FSTL5: variants seen among roughly 807,000 people sequenced by gnomAD.
FSTL5 encodes the protein follistatin-related protein 5.
In FSTL5, 62 loss-of-function variants were observed where a neutral mutation model predicts 89.1. The ratio of observed to expected loss-of-function variants is 0.70; its 90% CI spans 0.57 to 0.86. The LOEUF is 0.86. FSTL5 is among the 40% of genes least tolerant of loss of function. The probability of loss-of-function intolerance (pLI) is 0.00; values close to 1 mark genes in which losing one functional copy is unlikely to be tolerated. For synonymous variants in FSTL5, 383 were observed against 346.2 expected (o/e 1.11, Z -1.18); for missense variants, 1,057 against 1,001.6 (o/e 1.06, Z -0.75).
intron 6 of FSTL5, among the ~76,000 whole-genome samples, chr4:161,749,823 A>C (rs1048446874): frequency 6.6e-6 from 1 of 151,224 alleles, no homozygotes; most frequent in African/African-American, 2.4e-5. Flanking sequence ...AAATAAATAA[A>C]TAATAATAAA....
At chr4:161,903,017 G>GT (rs1733415553) in intron 4 of FSTL5, among the ~76,000 whole-genome samples, 1 of 152,158 alleles carries the variant, frequency 6.6e-6, no homozygotes, top group Admixed American at 6.5e-5. Context: ...AATCAGCACA[G>GT]TAAGGCTACT....
Position 161,519,254 on chromosome 4 carries a change from T to A in FSTL5, c.1313-8830A>T, listed in dbSNP as rs115264315. On this transcript the variant is annotated intron_variant, in intron 10 of 15. Transcript: ENST00000306100. ...TGGACACCACAGTCTTAGAGTGGCA[T>A]GGTGGCTCATGCTTGTAATCCCAGC... 4.2e-4 allele frequency among the ~76,000 whole-genome samples: 64 copies of A among 152,214 alleles called. No individual in the cohort carries two copies. The East Asian group carries it at 0.012, about 28-fold the overall frequency.
intron 12 of FSTL5, among the ~76,000 whole-genome samples, chr4:161,495,785 T>C (rs948661000): frequency 1.3e-5 from 2 of 152,092 alleles, no homozygotes; most frequent in African/African-American, 2.4e-5. Context: ...ATTTGAAAAA[T>C]ATTATATTCA....
chr4:161,454,058 TC>T (rs1273220604), intron 15 of FSTL5, among the ~76,000 whole-genome samples: 3 of 152,204 alleles, frequency 2.0e-5, no homozygotes, highest in African/African-American at 7.2e-5. Flanking sequence ...GATTTATTAA[TC>T]CCCGTTTTTA....
At position 162,036,378 on chromosome 4, in the gene FSTL5, CTT is replaced by C. The variant is rs1737741375; in HGVS notation, c.127-2722_127-2721del. ...AGTGTCACCCTGTGTTACTCTGTCT[CTT>C]GAGAGATAATAAACCTCAAATTTTC... On this transcript the variant is annotated intron_variant, in intron 2 of 15. Coordinates refer to ENST00000306100, the MANE Select transcript of FSTL5 (RefSeq NM_020116.5). 1.3e-5 allele frequency among the ~76,000 whole-genome samples: 2 copies of C among 151,972 alleles called. 1 individual carries two copies. Among genetic ancestry groups the C allele is most frequent in the South Asian group, 4.1e-4 (2 of 4,824 alleles).
intron 8 of FSTL5, among the ~76,000 whole-genome samples, chr4:161,587,025 A>G (rs1733638562): frequency 6.6e-6 from 1 of 152,200 alleles, no homozygotes; most frequent in South Asian, 2.1e-4. Context: ...CCTGGTCAAC[A>G]TTCATAGGTA....
At chr4:162,160,526 T>G (rs1733653749) in intron 1 of FSTL5, among the ~76,000 whole-genome samples, 1 of 151,732 alleles carries the variant, frequency 6.6e-6, no homozygotes, top group Non-Finnish European at 1.5e-5. Flanking sequence ...ACAAGAGTCT[T>G]TTGAGCTTCA....
chr4:162,093,781 T>A (rs2111364576), intron 2 of FSTL5, among the ~76,000 whole-genome samples: 1 of 152,280 alleles, frequency 6.6e-6, no homozygotes, highest in African/African-American at 2.4e-5. Flanking sequence ...TACAATCGAA[T>A]AATGACTCTT....
chr4:161,902,264 T>C (rs1733387818), intron 4 of FSTL5, among the ~76,000 whole-genome samples: 1 of 152,226 alleles, frequency 6.6e-6, no homozygotes, highest in Admixed American at 6.5e-5. Flanking sequence ...TTATTTATAT[T>C]AATTCACTGA....
chr4:161,793,641 C>T (rs1173083509), intron 4 of FSTL5, among the ~76,000 whole-genome samples: 3 of 150,444 alleles, frequency 2.0e-5, no homozygotes, highest in Non-Finnish European at 4.4e-5. Flanking sequence ...TGGAGTCTCA[C>T]TCTGTTGCCC....
intron 15 of FSTL5, among the ~76,000 whole-genome samples, chr4:161,438,980 T>C (rs1454926993): frequency 6.6e-6 from 1 of 152,050 alleles, no homozygotes; most frequent in African/African-American, 2.4e-5. Context: ...TTTTAACACA[T>C]TGACAACTGT....
intron 6 of FSTL5, among the ~76,000 whole-genome samples, chr4:161,722,338 C>A (rs1739245647): frequency 1.3e-5 from 2 of 152,154 alleles, no homozygotes. Context: ...AATTAATTCA[C>A]AACATGGATC....
intron 13 of FSTL5, among the ~76,000 whole-genome samples, chr4:161,478,734 C>T (rs1364800607): frequency 2.0e-5 from 3 of 151,890 alleles, no homozygotes; most frequent in Non-Finnish European, 4.4e-5. Flanking sequence ...AAAAAGTTTT[C>T]ACATCTAGGT....
intron 12 of FSTL5, among the ~76,000 whole-genome samples, chr4:161,494,249 GA>G (rs1188482405): frequency 4.7e-5 from 7 of 150,458 alleles, no homozygotes; most frequent in Non-Finnish European, 1.0e-4. Context: ...GACACCCTGA[GA>G]AAAAAAAATA....
At position 161,530,100 on chromosome 4, in the gene FSTL5, G is replaced by A. The variant is rs1382534329; in HGVS notation, c.1312+8066C>T. Among the ~76,000 whole-genome samples, 2 of 142,700 alleles carry A rather than the reference G, an allele frequency of 1.4e-5. 1 individual carries two copies. The highest frequency in any genetic ancestry group is 5.0e-5 in the African/African-American group (2 of 39,982). The allele number at this position is 142,700 out of a possible 152,430, so 93.6% of individuals were successfully genotyped here. A position where few individuals can be genotyped will look rare whatever the true frequency, so the allele number is the denominator to read the frequency against. On this transcript the variant is annotated intron_variant, in intron 10 of 15. Coordinates refer to ENST00000306100, the MANE Select transcript of FSTL5 (RefSeq NM_020116.5). The stretch of plus-strand genomic sequence containing the variant: ...TCTATAGAAATAGAAAGTAAATGAA[G>A]ACTAAAGAGGTTAATTAATTTGTTT...
chr4:161,917,190 T>A (rs2110851086), intron 4 of FSTL5, among the ~76,000 whole-genome samples: 1 of 152,258 alleles, frequency 6.6e-6, no homozygotes, highest in South Asian at 2.1e-4. Context: ...ACTCCTGGCC[T>A]CGTGATCCAC....
At chr4:162,078,029 T>C (rs779182121) in intron 2 of FSTL5, among the ~76,000 whole-genome samples, 10 of 151,866 alleles carry the variant, frequency 6.6e-5, no homozygotes, top group Non-Finnish European at 1.0e-4. Flanking sequence ...GGTAGTTATG[T>C]TAACAGCATA....
intron 15 of FSTL5, among the ~76,000 whole-genome samples, chr4:161,415,975 T>C (rs1731767166): frequency 6.6e-6 from 1 of 151,908 alleles, no homozygotes; most frequent in African/African-American, 2.4e-5. Flanking sequence ...TAAAATGCCA[T>C]ATGGAGAAAT....
chr4:161,516,930 G>A (rs997027116), intron 10 of FSTL5, among the ~76,000 whole-genome samples: 3 of 152,000 alleles, frequency 2.0e-5, no homozygotes, highest in African/African-American at 7.2e-5. Context: ...CCCATGCTCT[G>A]TTGCCCAGGC....
Sources: allele counts gnomAD v4.1 joint callset (sites outside exome capture counted in the v4.1 genomes callset), GRCh38; gene constraint gnomAD v4.1.1; transcripts MANE v1.5; gene names NCBI Gene and HGNC (gene_info 2026-07-23, HGNC 2026-07-21).